Variants in LRRC75A observed in about 807,000 individuals in gnomAD.
The protein encoded by LRRC75A is leucine-rich repeat-containing protein 75A.
Under a neutral mutation model 26.0 loss-of-function variants are expected in LRRC75A, and 12 were observed. That is an observed-to-expected ratio of 0.46 (90% CI 0.30 to 0.75). The LOEUF (loss-of-function observed/expected upper bound fraction) is 0.75. Among genes scored for constraint, LRRC75A ranks in the 30% least tolerant of loss-of-function variants. The pLI, the probability that LRRC75A is intolerant of heterozygous loss-of-function variation, is 0.08. For synonymous variants in LRRC75A, 223 were observed against 219.3 expected, an observed-to-expected ratio of 1.02 and a Z score of -0.15; for missense variants, 410 against 486.6, an observed-to-expected ratio of 0.84 and a Z score of 1.48.
At chr17:16,455,372 C>A (rs1284683049) in intron 2 of LRRC75A, among the ~76,000 whole-genome samples, 3 of 145,890 alleles carry the variant, frequency 2.1e-5, no homozygotes, top group African/African-American at 7.7e-5. Flanking sequence ...AAGTACCACA[C>A]AGTTCTGCCC....
At chr17:16,483,025 C>A (rs2093838275) in intron 1 of LRRC75A, among the ~76,000 whole-genome samples, 1 of 152,130 alleles carries the variant, frequency 6.6e-6, no homozygotes, top group East Asian at 1.9e-4. Context: ...AGCAGCCCCT[C>A]AGAGAAGGAA....
intron 1 of LRRC75A, among the ~76,000 whole-genome samples, chr17:16,480,506 G>A (rs758986618): frequency 5.9e-5 from 9 of 152,134 alleles, no homozygotes; most frequent in Non-Finnish European, 1.2e-4. Context: ...GCATGCGCCT[G>A]TAATCCCAGC....
chr17:16,479,018 C>T (rs935207909), intron 1 of LRRC75A, among the ~76,000 whole-genome samples: 1 of 152,228 alleles, frequency 6.6e-6, no homozygotes, highest in Non-Finnish European at 1.5e-5. Context: ...GTCTGGGAAG[C>T]TTGAGGGGAA....
Position 16,448,150 on chromosome 17 carries a change from T to C in LRRC75A, c.376-190A>G, listed in dbSNP as rs1318997287. On this transcript the variant is annotated intron_variant, in intron 2 of 3. Coordinates refer to ENST00000470794, the MANE Select transcript of LRRC75A (RefSeq NM_001113567.3). ...TGCAAACAGATCTGCAGGATGGTTT[T>C]AGTTTTTGTGAATTAGTTGCTAGCA... 4.9e-6 allele frequency: 3 copies of C among 615,112 alleles called. No homozygotes were observed. In the African/African-American group the frequency reaches 5.6e-5, roughly 11 times the overall value. 38.1% of individuals were successfully genotyped at this position (615,112 alleles called of 1,614,324 possible). A position where few individuals can be genotyped will look rare whatever the true frequency, so the allele number is the denominator to read the frequency against.
Position 16,462,364 on chromosome 17 carries a change from G to A in LRRC75A, c.269C>T (p.Ser90Leu), listed in dbSNP as rs1230862608. The A allele has an allele frequency of 6.8e-6, 11 of 1,614,102 alleles. 1 individual carries two copies. Among genetic ancestry groups the A allele is most frequent in the South Asian group, 4.4e-5 (4 of 91,082 alleles). The change falls in exon 2 of 4, where the codon TCG becomes TTG. Residue 90 changes from serine to leucine, a missense_variant. Ser to Leu is a moderately radical substitution (Grantham distance 145, BLOSUM62 -2). Transcript: ENST00000470794. The surrounding 1 kb of genome is among the most constrained non-coding windows in gnomAD (Gnocchi z 4.6). The stretch of plus-strand genomic sequence containing the variant: ...GTAGCGATACAGAACGTCGTCTAGC[G>A]AGGTCGACTCCATGCCCAGGTCCTG... ...LRQDLGMEST[S>L]LDDVLYRYAS...
intron 2 of LRRC75A, among the ~76,000 whole-genome samples, chr17:16,450,331 G>A (rs538017124): frequency 7.9e-5 from 12 of 152,332 alleles, no homozygotes; most frequent in Non-Finnish European, 1.5e-4. Flanking sequence ...ATGTCCAAAG[G>A]AGAGAGGCAT....
chr17:16,475,750 A>T (rs966803221), intron 1 of LRRC75A, among the ~76,000 whole-genome samples: 4 of 152,092 alleles, frequency 2.6e-5, no homozygotes, highest in African/African-American at 9.7e-5. Context: ...TAAAAAAAAA[A>T]ATTTTGTAGA....
chr17:16,469,194 T>C (rs2093791742), intron 1 of LRRC75A, among the ~76,000 whole-genome samples: 1 of 152,234 alleles, frequency 6.6e-6, no homozygotes, highest in Non-Finnish European at 1.5e-5. Flanking sequence ...ATGTCACTGA[T>C]TTCACATCCA....
intron 1 of LRRC75A, among the ~76,000 whole-genome samples, chr17:16,467,630 C>T (rs1421050341): frequency 2.6e-5 from 4 of 152,320 alleles, no homozygotes; most frequent in Non-Finnish European, 2.9e-5. Flanking sequence ...TGCAAAATAT[C>T]GCAGACTTGG....
At chr17:16,471,300 C>A (rs1025713410) in intron 1 of LRRC75A, among the ~76,000 whole-genome samples, 9 of 152,344 alleles carry the variant, frequency 5.9e-5, no homozygotes, top group Admixed American at 5.9e-4. Flanking sequence ...GCCCTGCCGA[C>A]ACTCTCATCT....
At chr17:16,474,992 T>C (rs1420810325) in intron 1 of LRRC75A, among the ~76,000 whole-genome samples, 3 of 139,720 alleles carry the variant, frequency 2.1e-5, no homozygotes, top group African/African-American at 8.6e-5. Flanking sequence ...CAAGACTCCG[T>C]CTCAAAAAAA....
chr17:16,484,080 G>C (rs769897361), intron 1 of LRRC75A, among the ~76,000 whole-genome samples: 57 of 152,250 alleles, frequency 3.7e-4, no homozygotes, highest in Middle Eastern at 3.4e-3. Context: ...GCTCACGCTT[G>C]TAATCCCAGC....
At chr17:16,488,269 C>T (rs894442931) in intron 1 of LRRC75A, among the ~76,000 whole-genome samples, 2 of 152,212 alleles carry the variant, frequency 1.3e-5, no homozygotes, top group African/African-American at 4.8e-5. Context: ...ATGGCCTCTC[C>T]CATCCAAAGC....
chr17:16,472,690 G>A (rs948891841), intron 1 of LRRC75A, among the ~76,000 whole-genome samples: 3 of 152,146 alleles, frequency 2.0e-5, no homozygotes, highest in Admixed American at 1.3e-4. Context: ...TAACAGATTG[G>A]CCTTCCAATC....
intron 1 of LRRC75A, among the ~76,000 whole-genome samples, chr17:16,481,579 C>T (rs867827091): frequency 6.6e-6 from 1 of 152,296 alleles, no homozygotes; most frequent in Middle Eastern, 3.4e-3. Flanking sequence ...TGGGCCCCGG[C>T]AGGTGCACTG....
Position 16,444,030 on chromosome 17 carries a change from T to C in LRRC75A, c.593A>G (p.Gln198Arg). 1 of 1,613,590 alleles carries C rather than the reference T, an allele frequency of 6.2e-7. No individual in the cohort carries two copies. The stretch of plus-strand genomic sequence containing the variant: ...GCTGTCTACCTGCTCCCCACAGCGC[T>C]GTAGGTAGCTGGTCACCCGCTCCAG... ...RDLERVTSYL[Q>R]RCGEQVDSVE... The change falls in exon 4 of 4, where the codon CAG becomes CGG. Residue 198 changes from glutamine to arginine, a missense_variant. Physicochemically the swap from Gln to Arg is conservative, Grantham distance 43 (BLOSUM62 1). Coordinates refer to ENST00000470794, the MANE Select transcript of LRRC75A (RefSeq NM_001113567.3).
intron 2 of LRRC75A, among the ~76,000 whole-genome samples, chr17:16,457,193 C>T (rs1449299577): frequency 6.6e-6 from 1 of 152,252 alleles, no homozygotes. Flanking sequence ...CAGCCCTCCA[C>T]TGCCCTCCAT....
intron 2 of LRRC75A, among the ~76,000 whole-genome samples, chr17:16,460,480 T>C (rs2093719357): frequency 6.6e-6 from 1 of 151,994 alleles, no homozygotes; most frequent in Admixed American, 6.5e-5. Context: ...TGGGTCCTTC[T>C]CCCCACACAG....
chr17:16,473,803 G>A lies in LRRC75A; in HGVS notation c.247-11417C>T, dbSNP rs139389237. On this transcript the variant is annotated intron_variant, in intron 1 of 3. Transcript: ENST00000470794. ...TTGAAGCCAGGCACCCCGGCAGGCT[G>A]GCCCTCCTCGACGGTGACGAGTGTT... Among the ~76,000 whole-genome samples the A allele has an allele frequency of 3.2e-3, 482 of 152,298 alleles. 2 individuals are homozygous for A. Among genetic ancestry groups the A allele is most frequent in the African/African-American group, 0.011 (450 of 41,552 alleles).
Sources: allele counts gnomAD v4.1 joint callset (sites outside exome capture counted in the v4.1 genomes callset), GRCh38; gene constraint gnomAD v4.1.1; non-coding constraint Gnocchi (gnomAD v3.1); transcripts MANE v1.5; gene names NCBI Gene and HGNC (gene_info 2026-07-23, HGNC 2026-07-21).